The following PAX7 variants were observed in gnomAD, a reference collection of about 807,000 sequenced individuals.
The protein encoded by PAX7 is paired box 7, also known as paired box protein Pax-7.
PAX7 carries 18 observed loss-of-function variants against 50.7 expected under a neutral mutation model. The observed-to-expected ratio is 0.36, with a 90% CI of 0.25 to 0.53. The LOEUF is 0.53. Among genes scored for constraint, PAX7 ranks in the 20% least tolerant of loss-of-function variants. PAX7 has a pLI of 0.93. For missense variants in PAX7, 644 were observed against 702.9 expected (o/e 0.92, Z 0.95); for synonymous variants, 310 against 290.4 (o/e 1.07, Z -0.69).
At chr1:18,662,210 GAGTGCTGCTGA>G (rs1298338902) in intron 4 of PAX7, among the ~76,000 whole-genome samples, 2 of 152,176 alleles carry the variant, frequency 1.3e-5, no homozygotes, top group African/African-American at 2.4e-5. Context: ...AGCCTGGGGT[GAGTGCTGCTGA>G]AGTTATGTGA....
chr1:18,665,357 C>T (rs2088653397), intron 4 of PAX7, among the ~76,000 whole-genome samples: 1 of 152,032 alleles, frequency 6.6e-6, no homozygotes, highest in African/African-American at 2.4e-5. Context: ...GCTCGGGTGG[C>T]ATTGCTTTTT....
intron 7 of PAX7, among the ~76,000 whole-genome samples, chr1:18,707,889 C>T (rs2100338515): frequency 6.6e-6 from 1 of 152,160 alleles, no homozygotes; most frequent in Non-Finnish European, 1.5e-5. Context: ...ATAGCTCATT[C>T]GACTCATGTG....
intron 7 of PAX7, among the ~76,000 whole-genome samples, chr1:18,729,374 ACTCTCC>A (rs2089617293): frequency 6.6e-6 from 1 of 151,536 alleles, no homozygotes. Flanking sequence ...GTGCCAAGTC[ACTCTCC>A]CTCTTTCAGC....
In PAX7 at chr1:18,646,440, A is replaced by C. The variant is rs566153600; in HGVS notation, c.586+10069A>C. Among the ~76,000 whole-genome samples, 33 of 152,126 alleles carry C rather than the reference A, an allele frequency of 2.2e-4. 1 individual carries two copies. In the South Asian group the frequency reaches 2.7e-3, roughly 12 times the overall value. ...TCCGTCTCGGCGGTACCTGAGCCTC[A>C]GTTTCCCTATCTGATTAGTGAGGAT... On this transcript the variant is annotated intron_variant, in intron 4 of 8. Coordinates refer to ENST00000420770, the MANE Select transcript of PAX7 (RefSeq NM_001135254.2).
At position 18,703,198 on chromosome 1, in the gene PAX7, G is replaced by A. The variant is rs1288538567; in HGVS notation, c.1057G>A (p.Gly353Arg). The A allele has an allele frequency of 6.2e-7, 1 of 1,613,864 alleles. No homozygotes were observed. Residue 353 changes from glycine to arginine, a missense_variant, in exon 7 of 9, where the codon GGA (glycine) becomes AGA (arginine). Coordinates refer to ENST00000420770, the MANE Select transcript of PAX7 (RefSeq NM_001135254.2). ...AGCCGCCGACACCAGCTCTGCCTAC[G>A]GAGCCCGCCACAGCTTCTCCAGCTA... ...AAAADTSSAY[G>R]ARHSFSSYSD...
At chr1:18,673,377 C>T (rs566491008) in intron 4 of PAX7, among the ~76,000 whole-genome samples, 1 of 152,326 alleles carries the variant, frequency 6.6e-6, no homozygotes, top group African/African-American at 2.4e-5. Flanking sequence ...ACACGGTCAG[C>T]TCCTTAAGTG....
chr1:18,697,441 C>T lies in PAX7; in HGVS notation c.787-3212C>T, dbSNP rs963399761. ...CAGAATGATACTTACCTGTGGCTGGCGCTGTTCTAAGCATGTTGCCTGTGC... is the reference window on the plus strand; with the variant it reads ...CAGAATGATACTTACCTGTGGCTGGTGCTGTTCTAAGCATGTTGCCTGTGC... On this transcript the variant is annotated intron_variant, in intron 5 of 8. Coordinates refer to ENST00000420770, the MANE Select transcript of PAX7 (RefSeq NM_001135254.2). Among the ~76,000 whole-genome samples, 10 of 152,250 alleles carry T rather than the reference C, an allele frequency of 6.6e-5. No homozygotes were observed. In the South Asian group the frequency reaches 1.0e-3, roughly 16 times the overall value.
chr1:18,744,988 G>A lies in PAX7; in HGVS notation c.*59G>A. On this transcript the variant is annotated 3_prime_UTR_variant, in exon 9 of 9. Coordinates refer to ENST00000420770, the MANE Select transcript of PAX7 (RefSeq NM_001135254.2). ...CAGCCCAACCCTAACTGACCCCTGA[G>A]CTTCCCAGCCTTGCCGCCTCACCCC... The A allele has an allele frequency of 9.7e-7, 1 of 1,031,992 alleles. No homozygotes were observed. The highest frequency in any genetic ancestry group is 1.5e-6 in the Non-Finnish European group (1 of 680,756). The allele number at this position is 1,031,992 out of a possible 1,614,324, so 63.9% of individuals were successfully genotyped here.
At chr1:18,651,706 G>A (rs2088433276) in intron 4 of PAX7, among the ~76,000 whole-genome samples, 1 of 152,108 alleles carries the variant, frequency 6.6e-6, no homozygotes, top group Non-Finnish European at 1.5e-5. Flanking sequence ...GTCCCCCAAA[G>A]GTTAAGCATC....
chr1:18,711,899 C>A (rs931468968), intron 7 of PAX7, among the ~76,000 whole-genome samples: 1 of 152,150 alleles, frequency 6.6e-6, no homozygotes. Context: ...CCCCAACTGG[C>A]CTTCTGCACC....
chr1:18,640,281 T>C (rs2088230803), intron 4 of PAX7, among the ~76,000 whole-genome samples: 1 of 152,176 alleles, frequency 6.6e-6, no homozygotes, highest in South Asian at 2.1e-4. Flanking sequence ...TAGCTGCTAA[T>C]GCGGTTTTCG....
chr1:18,696,258 G>C (rs1043685967), intron 5 of PAX7, among the ~76,000 whole-genome samples: 3 of 151,928 alleles, frequency 2.0e-5, no homozygotes, highest in Admixed American at 2.0e-4. Flanking sequence ...ATAGAGACAG[G>C]GTTTTGCCAT....
intron 4 of PAX7, among the ~76,000 whole-genome samples, chr1:18,645,281 G>A (rs1422583596): frequency 2.0e-5 from 3 of 152,262 alleles, no homozygotes; most frequent in Non-Finnish European, 4.4e-5. Context: ...TCGAGGGAGA[G>A]GCGGAGGGAG....
At chr1:18,731,195 AGTTT>A (rs1437147230) in intron 7 of PAX7, among the ~76,000 whole-genome samples, 1 of 152,164 alleles carries the variant, frequency 6.6e-6, no homozygotes, top group Non-Finnish European at 1.5e-5. Context: ...CAAGTTGAAA[AGTTT>A]GCAGGCTCCG....
In PAX7 at chr1:18,735,605, C is replaced by G; in HGVS notation, c.1156-27C>G. On this transcript the variant is annotated intron_variant, in intron 7 of 8. Coordinates refer to ENST00000420770, the MANE Select transcript of PAX7 (RefSeq NM_001135254.2). The surrounding 1 kb of genome is among the most constrained non-coding windows in gnomAD (Gnocchi z 4.0). The stretch of plus-strand genomic sequence containing the variant: ...TGTCTCTGGGGTCTGTCCGGTGAGC[C>G]TGGCACTAATGGCCTTTTCCCCACA... 1.9e-6 allele frequency: 3 copies of G among 1,595,930 alleles called. No individual in the cohort carries two copies. Among genetic ancestry groups the G allele is most frequent in the Non-Finnish European group, 2.6e-6 (3 of 1,168,182 alleles).
chr1:18,692,837 G>A (rs926407306), intron 5 of PAX7, among the ~76,000 whole-genome samples: 7 of 152,162 alleles, frequency 4.6e-5, no homozygotes, highest in African/African-American at 1.7e-4. Flanking sequence ...AGGAAGAGGG[G>A]AGAAGAGCAA....
intron 4 of PAX7, among the ~76,000 whole-genome samples, chr1:18,678,188 G>A (rs1570159587): frequency 1.3e-5 from 2 of 152,190 alleles, no homozygotes; most frequent in Admixed American, 1.3e-4. Flanking sequence ...GAAGCAGGTG[G>A]ATTACCTGAG....
intron 4 of PAX7, among the ~76,000 whole-genome samples, chr1:18,682,183 G>C (rs1006774304): frequency 6.6e-6 from 1 of 152,166 alleles, no homozygotes; most frequent in Non-Finnish European, 1.5e-5. Context: ...CCTTGAGTTG[G>C]GAGAGTGAAA....
chr1:18,688,416 T>C (rs368257796), intron 4 of PAX7, among the ~76,000 whole-genome samples: 32 of 152,348 alleles, frequency 2.1e-4, no homozygotes, highest in African/African-American at 4.1e-4. Flanking sequence ...CGTGTGACTA[T>C]GCAAATTTGA....
Sources: allele counts gnomAD v4.1 joint callset (sites outside exome capture counted in the v4.1 genomes callset), GRCh38; gene constraint gnomAD v4.1.1; non-coding constraint Gnocchi (gnomAD v3.1); transcripts MANE v1.5; gene names NCBI Gene and HGNC (gene_info 2026-07-23, HGNC 2026-07-21).